Variants in NETO2 observed in about 807,000 individuals in gnomAD.
NETO2 encodes neuropilin and tolloid like 2.
Under a neutral mutation model 62.5 loss-of-function variants are expected in NETO2, and 28 were observed. The ratio of observed to expected loss-of-function variants is 0.45; its 90% CI spans 0.33 to 0.61. The LOEUF is 0.61. Ranked by LOEUF, NETO2 falls within the 20% of genes least tolerant of loss-of-function variation. NETO2 has a pLI of 0.02. For missense variants in NETO2, 548 were observed against 643.2 expected (o/e 0.85, Z 1.60); for synonymous variants, 214 against 219.1 (o/e 0.98, Z 0.21).
At chr16:47,099,287 GCCTTA>G (rs1460466943) in intron 7 of NETO2, among the ~76,000 whole-genome samples, 1 of 152,194 alleles carries the variant, frequency 6.6e-6, no homozygotes, top group Admixed American at 6.5e-5. Context: ...CACCAGGCCT[GCCTTA>G]CAAGAGCTCC....
intron 7 of NETO2, among the ~76,000 whole-genome samples, chr16:47,092,592 G>A (rs1231409747): frequency 6.6e-6 from 1 of 152,094 alleles, no homozygotes; most frequent in Non-Finnish European, 1.5e-5. Flanking sequence ...GAAACCGAGG[G>A]AAAAATAAGA....
chr16:47,119,445 C>A (rs763323099), intron 6 of NETO2, among the ~76,000 whole-genome samples: 1 of 152,128 alleles, frequency 6.6e-6, no homozygotes, highest in Non-Finnish European at 1.5e-5. Context: ...ACCACTGCAC[C>A]CGGCCTATTT....
At position 47,109,942 on chromosome 16, in the gene NETO2, A is replaced by G. The variant is rs187812231; in HGVS notation, c.655-231T>C. The stretch of plus-strand genomic sequence containing the variant: ...GGAACTTACTTTGTGTTTTGTCTAT[A>G]AAGAGTAGAAACTTTTTGCTCACAA... On this transcript the variant is annotated intron_variant, in intron 6 of 8. Transcript: ENST00000562435. 1.6e-3 allele frequency among the ~76,000 whole-genome samples: 238 copies of G among 152,322 alleles called. 3 individuals carry two copies. The highest frequency in any genetic ancestry group is 3.4e-3 in the Middle Eastern group (1 of 294).
chr16:47,089,524 A>AT (rs1355812430), intron 7 of NETO2, among the ~76,000 whole-genome samples: 1 of 152,328 alleles, frequency 6.6e-6, no homozygotes, highest in East Asian at 1.9e-4. Flanking sequence ...AATGATGTAT[A>AT]TATCTAATAA....
chr16:47,141,467 A>C (rs548768653), intron 1 of NETO2, among the ~76,000 whole-genome samples: 11 of 152,086 alleles, frequency 7.2e-5, no homozygotes, highest in Admixed American at 2.0e-4. Flanking sequence ...TGGTAAAAAA[A>C]AAAAACAAAA....
intron 7 of NETO2, among the ~76,000 whole-genome samples, chr16:47,108,358 G>T (rs935222244): frequency 2.0e-5 from 3 of 151,972 alleles, no homozygotes; most frequent in Non-Finnish European, 2.9e-5. Context: ...AATTAGAAAG[G>T]AAAAAAATAG....
At chr16:47,090,705 T>G (rs999022235) in intron 7 of NETO2, among the ~76,000 whole-genome samples, 1 of 152,204 alleles carries the variant, frequency 6.6e-6, no homozygotes, top group Non-Finnish European at 1.5e-5. Context: ...TACGGGTTTA[T>G]TCTAACAAAA....
At chr16:47,104,445 A>G (rs1362964083) in intron 7 of NETO2, among the ~76,000 whole-genome samples, 1 of 152,256 alleles carries the variant, frequency 6.6e-6, no homozygotes, top group African/African-American at 2.4e-5. Flanking sequence ...AGTTAAGATG[A>G]CAATATTACT....
chr16:47,114,937 G>T (rs1007405375), intron 6 of NETO2, among the ~76,000 whole-genome samples: 5 of 152,100 alleles, frequency 3.3e-5, no homozygotes, highest in Non-Finnish European at 7.4e-5. Flanking sequence ...CACTCAACAG[G>T]TGAGGGTTCA....
intron 7 of NETO2, among the ~76,000 whole-genome samples, chr16:47,107,254 A>T (rs1333016032): frequency 6.6e-6 from 1 of 152,178 alleles, no homozygotes; most frequent in Non-Finnish European, 1.5e-5. Flanking sequence ...GACACCTCCA[A>T]GTGTCCCTCT....
rs963436921 is a variant in NETO2 at position 47,083,272 on chromosome 16, A to G, written c.1527T>C (p.Tyr509=). ...GTGCAGAATCTTCTCGCCCCCTGACATAAATTTCACAGGGAATCTCCTCCA... is the reference window on the plus strand; with the variant it reads ...GTGCAGAATCTTCTCGCCCCCTGACGTAAATTTCACAGGGAATCTCCTCCA... ...RVMEEIPCEI[Y]VRGREDSAQA... The change falls in exon 9 of 9, where the codon TAT becomes TAC. Residue 509 remains tyrosine (Y), a synonymous_variant. Transcript: ENST00000562435. The G allele has an allele frequency of 6.2e-6, 10 of 1,613,946 alleles. No individual in the cohort carries two copies. The highest frequency in any genetic ancestry group is 8.5e-6 in the Non-Finnish European group (10 of 1,179,828).
intron 1 of NETO2, among the ~76,000 whole-genome samples, chr16:47,133,737 G>A (rs1034676739): frequency 9.9e-5 from 15 of 152,156 alleles, no homozygotes; most frequent in African/African-American, 2.9e-4. Context: ...GTTGGCAAGT[G>A]GAAGGCTACA....
chr16:47,114,880 G>C (rs1369330656), intron 6 of NETO2, among the ~76,000 whole-genome samples: 1 of 151,778 alleles, frequency 6.6e-6, no homozygotes, highest in East Asian at 1.9e-4. Context: ...GATTTATTTT[G>C]AGTTAATTTT....
At chr16:47,131,269 C>A (rs1022500340) in intron 2 of NETO2, among the ~76,000 whole-genome samples, 4 of 151,746 alleles carry the variant, frequency 2.6e-5, no homozygotes, top group Admixed American at 1.3e-4. Flanking sequence ...TCATCTTCCA[C>A]GGTGAAAAAT....
intron 7 of NETO2, among the ~76,000 whole-genome samples, chr16:47,107,821 G>A (rs1340480070): frequency 1.3e-5 from 2 of 152,106 alleles, no homozygotes; most frequent in Admixed American, 6.5e-5. Context: ...GGTCACCCAG[G>A]CTGGAGTGCA....
intron 7 of NETO2, among the ~76,000 whole-genome samples, chr16:47,099,250 C>G (rs1057294606): frequency 1.3e-5 from 2 of 152,172 alleles, no homozygotes; most frequent in African/African-American, 4.8e-5. Context: ...CCTTTACAGA[C>G]AAGCAAATGC....
chr16:47,085,539 G>A (rs1963167991), intron 8 of NETO2, among the ~76,000 whole-genome samples: 1 of 151,816 alleles, frequency 6.6e-6, no homozygotes, highest in Non-Finnish European at 1.5e-5. Context: ...GTGCCACCAC[G>A]CCTAGCTGAT....
At chr16:47,115,714 C>CATATAT (rs918750034) in intron 6 of NETO2, among the ~76,000 whole-genome samples, 32 of 128,456 alleles carry the variant, frequency 2.5e-4, no homozygotes, top group African/African-American at 1.0e-3. Context: ...TATATATATA[C>CATATAT]ATATATATAT....
chr16:47,079,082 C>A lies in NETO2; in HGVS notation c.*4139G>T, dbSNP rs78478873. 6.6e-6 allele frequency: 1 copy of A among 151,208 alleles called. No individual in the cohort carries two copies. Among genetic ancestry groups the A allele is most frequent in the Non-Finnish European group, 1.5e-5 (1 of 67,894 alleles). The allele number at this position is 151,208 out of a possible 1,614,324, so 9.4% of individuals were successfully genotyped here. A position where few individuals can be genotyped will look rare whatever the true frequency, so the allele number is the denominator to read the frequency against. On this transcript the variant is annotated 3_prime_UTR_variant, in exon 9 of 9. Coordinates refer to ENST00000562435, the MANE Select transcript of NETO2 (RefSeq NM_018092.5). ...GGATCACGAGGTCAGGAGATCGAGA[C>A]CATCCTGGCTAACATGGTGAAACCC...
Sources: gnomAD v4.1 joint callset for allele counts (sites outside exome capture counted in the v4.1 genomes callset) on GRCh38, gnomAD v4.1.1 for gene constraint, MANE v1.5 for transcripts, NCBI Gene and HGNC (gene_info 2026-07-23, HGNC 2026-07-21) for gene names.